ANTXR2: variants seen among roughly 807,000 people sequenced by gnomAD.
ANTXR2 encodes the protein anthrax toxin receptor 2.
A neutral mutation model predicts 73.7 loss-of-function variants in ANTXR2; 44 were observed. That is an observed-to-expected ratio of 0.60 (90% CI 0.47 to 0.77). The LOEUF is 0.77. Ranked by LOEUF, ANTXR2 falls within the 30% of genes least tolerant of loss-of-function variation. The pLI, the probability that ANTXR2 is intolerant of heterozygous loss-of-function variation, is 0.00. For synonymous variants in ANTXR2, 217 were observed against 205.9 expected (o/e 1.05, Z -0.46); for missense variants, 604 against 592.5 (o/e 1.02, Z -0.20).
intron 16 of ANTXR2, among the ~76,000 whole-genome samples, chr4:79,914,134 A>G (rs1302189549): frequency 6.6e-6 from 1 of 152,134 alleles, no homozygotes; most frequent in African/African-American, 2.4e-5. Flanking sequence ...ATTGCTATTA[A>G]GGATACTGAT....
chr4:80,003,267 T>C (rs1731140241), intron 12 of ANTXR2, among the ~76,000 whole-genome samples: 1 of 151,720 alleles, frequency 6.6e-6, no homozygotes, highest in Admixed American at 6.6e-5. Context: ...TGTAGGGACA[T>C]GGATGAAATT....
At chr4:80,008,958 G>A (rs1731439181) in intron 11 of ANTXR2, among the ~76,000 whole-genome samples, 1 of 152,108 alleles carries the variant, frequency 6.6e-6, no homozygotes, top group Non-Finnish European at 1.5e-5. Flanking sequence ...TTGGTTCAAA[G>A]CAAATTACCC....
At chr4:79,914,082 C>T (rs970475514) in intron 16 of ANTXR2, among the ~76,000 whole-genome samples, 5 of 151,862 alleles carry the variant, frequency 3.3e-5, no homozygotes, top group African/African-American at 1.2e-4. Context: ...ATGAAGAGCC[C>T]TGTGAATTTT....
chr4:79,961,887 TA>T (rs1206856185), intron 16 of ANTXR2, among the ~76,000 whole-genome samples: 1 of 152,174 alleles, frequency 6.6e-6, no homozygotes, highest in African/African-American at 2.4e-5. Flanking sequence ...TTACTCAAGA[TA>T]AATATTTATC....
chr4:79,961,905 T>A (rs976895507), intron 16 of ANTXR2, among the ~76,000 whole-genome samples: 1 of 152,198 alleles, frequency 6.6e-6, no homozygotes, highest in Admixed American at 6.5e-5. Flanking sequence ...TATCTAAACT[T>A]GGAAATTAAT....
In ANTXR2 at chr4:79,903,574, CTT is replaced by C. The variant is rs993600062; in HGVS notation, c.*3853_*3854del. Reference sequence around the variant, plus strand: ...TTTTCAAAAACAACAACAAAAAAGTCTTTCTTTTATCCGATCGACTGAATTAG... The same window carrying C: ...TTTTCAAAAACAACAACAAAAAAGTCTCTTTTATCCGATCGACTGAATTAG... On this transcript the variant is annotated 3_prime_UTR_variant, in exon 17 of 17. Coordinates refer to ENST00000403729, the MANE Select transcript of ANTXR2 (RefSeq NM_058172.6). 2.0e-5 allele frequency: 3 copies of C among 152,070 alleles called. No homozygotes were observed. Among genetic ancestry groups the C allele is most frequent in the Non-Finnish European group, 4.4e-5 (3 of 67,994 alleles). 9.4% of individuals were successfully genotyped at this position (152,070 alleles called of 1,614,324 possible).
At position 79,905,416 on chromosome 4, in the gene ANTXR2, T is replaced by A. The variant is rs114278305; in HGVS notation, c.*2013A>T. The stretch of plus-strand genomic sequence containing the variant: ...ACTATATCAGGCTTCCAAGTTACAC[T>A]TGCATATGCAGCTACTGCCAATAGT... On this transcript the variant is annotated 3_prime_UTR_variant, in exon 17 of 17. Coordinates refer to ENST00000403729, the MANE Select transcript of ANTXR2 (RefSeq NM_058172.6). 6.6e-6 allele frequency: 1 copy of A among 152,172 alleles called. No individual in the cohort carries two copies. Among genetic ancestry groups the A allele is most frequent in the Non-Finnish European group, 1.5e-5 (1 of 68,038 alleles). The allele number at this position is 152,172 out of a possible 1,614,324, so 9.4% of individuals were successfully genotyped here. A position where few individuals can be genotyped will look rare whatever the true frequency, so the allele number is the denominator to read the frequency against.
Position 80,061,284 on chromosome 4 carries a change from C to CTGTGTGTG in ANTXR2, c.297-5279_297-5272dup, listed in dbSNP as rs60730236. On this transcript the variant is annotated intron_variant, in intron 3 of 16. Transcript: ENST00000403729. ...AAAAGTAAAAAGTGTGTGTGTGCCT[C>CTGTGTGTG]TGTGTGTGTGTGTGTGTGTGTGTGT... Among the ~76,000 whole-genome samples, 1,023 of 149,160 alleles carry CTGTGTGTG rather than the reference C, an allele frequency of 6.9e-3. 7 individuals are homozygous for CTGTGTGTG. Among genetic ancestry groups the CTGTGTGTG allele is most frequent in the Non-Finnish European group, 8.5e-3 (572 of 67,128 alleles).
chr4:80,019,452 G>C (rs1732052552), intron 10 of ANTXR2, among the ~76,000 whole-genome samples: 1 of 152,176 alleles, frequency 6.6e-6, no homozygotes, highest in African/African-American at 2.4e-5. Context: ...TTACTTATTA[G>C]TCAGGCAAAC....
At chr4:79,992,775 T>G (rs145487618) in intron 12 of ANTXR2, among the ~76,000 whole-genome samples, 35 of 152,220 alleles carry the variant, frequency 2.3e-4, no homozygotes, top group African/African-American at 8.2e-4. Flanking sequence ...ACCCTAACCA[T>G]CTTCATTTAA....
chr4:80,026,410 C>T lies in ANTXR2; in HGVS notation c.866+5213G>A, dbSNP rs1473089714. 8.5e-5 allele frequency among the ~76,000 whole-genome samples: 13 copies of T among 152,236 alleles called. 1 individual carries two copies. The highest frequency in any genetic ancestry group is 1.3e-4 in the Admixed American group (2 of 15,286). On this transcript the variant is annotated intron_variant, in intron 10 of 16. Transcript: ENST00000403729. ...TTAAACTTCTTTCCTTGATAAATTA[C>T]CCAGTCTCGGCAGTTCTTTATAGCA... is the stretch of plus-strand genomic sequence containing the variant.
chr4:80,014,836 G>A (rs573411280), intron 11 of ANTXR2, among the ~76,000 whole-genome samples: 10 of 152,208 alleles, frequency 6.6e-5, no homozygotes, highest in Non-Finnish European at 1.3e-4. Flanking sequence ...AGGAAAGTAG[G>A]AGAAAGTTTA....
intron 16 of ANTXR2, among the ~76,000 whole-genome samples, chr4:79,960,085 T>G (rs1296128904): frequency 6.6e-6 from 1 of 152,158 alleles, no homozygotes; most frequent in Non-Finnish European, 1.5e-5. Flanking sequence ...AACTAAGATT[T>G]GAGATGGGCA....
intron 8 of ANTXR2, among the ~76,000 whole-genome samples, chr4:80,034,727 C>T (rs975879541): frequency 1.3e-5 from 2 of 152,092 alleles, no homozygotes; most frequent in African/African-American, 4.8e-5. Flanking sequence ...TTTTTGCCTG[C>T]TTAAGGCTTC....
intron 12 of ANTXR2, among the ~76,000 whole-genome samples, chr4:80,005,909 T>C (rs146515369): frequency 3.3e-4 from 50 of 152,236 alleles, no homozygotes; most frequent in Admixed American, 1.7e-3. Flanking sequence ...TTACAAGACA[T>C]AGGAGGTCCT....
intron 3 of ANTXR2, among the ~76,000 whole-genome samples, chr4:80,061,374 C>A (rs1734245645): frequency 6.6e-6 from 1 of 151,966 alleles, no homozygotes; most frequent in African/African-American, 2.4e-5. Context: ...GCCTCACACA[C>A]TCATGTTGTC....
At position 79,951,021 on chromosome 4, in the gene ANTXR2, T is replaced by C. The variant is rs1728681047; in HGVS notation, c.1428+26600A>G. 5.3e-5 allele frequency among the ~76,000 whole-genome samples: 8 copies of C among 152,302 alleles called. 1 individual carries two copies. In the South Asian group the frequency reaches 1.7e-3, roughly 32 times the overall value. Reference sequence around the variant, plus strand: ...AAGGTGGTTCCTGCATTAGCCCAGTTGCCTTCTGCTCTTACCTTCAGTCCT... The same window carrying C: ...AAGGTGGTTCCTGCATTAGCCCAGTCGCCTTCTGCTCTTACCTTCAGTCCT... On this transcript the variant is annotated intron_variant, in intron 16 of 16. Transcript: ENST00000403729.
intron 16 of ANTXR2, among the ~76,000 whole-genome samples, chr4:79,950,913 G>A (rs1309899346): frequency 6.6e-6 from 1 of 151,994 alleles, no homozygotes; most frequent in Non-Finnish European, 1.5e-5. Context: ...GCTCCACATA[G>A]TAATCAAGTC....
chr4:80,038,278 T>G (rs1054608238), intron 7 of ANTXR2, among the ~76,000 whole-genome samples: 4 of 152,178 alleles, frequency 2.6e-5, no homozygotes, highest in African/African-American at 9.6e-5. Context: ...GATTTCATAA[T>G]ATTTAAGATA....
Sources: allele counts gnomAD v4.1 joint callset (sites outside exome capture counted in the v4.1 genomes callset), GRCh38; gene constraint gnomAD v4.1.1; transcripts MANE v1.5; gene names NCBI Gene and HGNC (gene_info 2026-07-23, HGNC 2026-07-21).